AKAP1: variants seen among roughly 807,000 people sequenced by gnomAD.
AKAP1 encodes A-kinase anchor protein 1, mitochondrial.
AKAP1 carries 32 observed loss-of-function variants against 79.8 expected under a neutral mutation model. That is an observed-to-expected ratio of 0.40 (90% CI 0.30 to 0.54). The LOEUF is 0.54. Among genes scored for constraint, AKAP1 ranks in the 20% least tolerant of loss-of-function variants. AKAP1 has a pLI of 0.47. For synonymous variants in AKAP1, 416 were observed against 466.7 expected (o/e 0.89, Z 1.40); for missense variants, 961 against 1,138.9 (o/e 0.84, Z 2.25).
intron 1 of AKAP1, chr17:57,095,146 G>C (rs1052668732): frequency 2.6e-5 from 4 of 152,094 alleles, no homozygotes; most frequent in Non-Finnish European, 5.9e-5. Flanking sequence ...GGCAGTAACA[G>C]GCCCACTGGA....
chr17:57,118,263 C>A, intron 8 of AKAP1, 118 bp from the exon 9 acceptor site: 1 of 922,684 alleles, frequency 1.1e-6, no homozygotes. Context: ...CAGTGCAGTT[C>A]TCAAGTTCCA....
At chr17:57,119,135 T>A in intron 10 of AKAP1, 91 bp downstream of exon 10, 2 of 1,359,892 alleles carry the variant, frequency 1.5e-6, no homozygotes, top group Non-Finnish European at 2.1e-6. Flanking sequence ...CCTCTTGAGT[T>A]AATCAGAGGA....
intron 8 of AKAP1, among the ~76,000 whole-genome samples, chr17:57,118,063 C>T (rs1212167589): frequency 6.6e-6 from 1 of 152,128 alleles, no homozygotes; most frequent in Non-Finnish European, 1.5e-5. Flanking sequence ...TCTGCACTGC[C>T]AGCATCCGAG....
chr17:57,115,990 C>T, intron 6 of AKAP1, 121 bp from the exon 7 acceptor site: 1 of 1,216,828 alleles, frequency 8.2e-7, no homozygotes, highest in Non-Finnish European at 1.1e-6. Flanking sequence ...GTTCCTGTCC[C>T]CTGCACTGTG....
At chr17:57,089,082 G>T (rs1201776194) in intron 1 of AKAP1, among the ~76,000 whole-genome samples, 2 of 152,168 alleles carry the variant, frequency 1.3e-5, no homozygotes, top group Admixed American at 1.3e-4. Flanking sequence ...GAAACCTGGC[G>T]GTGATTCTAG....
chr17:57,120,508 C>T lies in AKAP1; in HGVS notation c.*184C>T, dbSNP rs377420888. 15 of 501,080 alleles carry T rather than the reference C, an allele frequency of 3.0e-5. No homozygotes were observed. Among genetic ancestry groups the T allele is most frequent in the African/African-American group, 2.6e-4 (13 of 50,718 alleles). 31.0% of individuals were successfully genotyped at this position (501,080 alleles called of 1,614,324 possible). A position where few individuals can be genotyped will look rare whatever the true frequency, so the allele number is the denominator to read the frequency against. ...AAAAAAGGATGGAACTATGGGTTCT[C>T]TTCGCAAAGCCAAAGGATAGTGTTT... On this transcript the variant is annotated 3_prime_UTR_variant, in exon 11 of 11. Coordinates refer to ENST00000337714, the MANE Select transcript of AKAP1 (RefSeq NM_003488.4).
intron 1 of AKAP1, chr17:57,095,012 C>G (rs777533439): frequency 1.3e-5 from 2 of 152,174 alleles, no homozygotes; most frequent in African/African-American, 4.8e-5. Flanking sequence ...TCATTCCTAC[C>G]CCAAGATACT....
chr17:57,094,928 A>G (rs1329374909), intron 1 of AKAP1: 4 of 151,880 alleles, frequency 2.6e-5, no homozygotes, highest in African/African-American at 9.7e-5. Context: ...GTCTTGAATG[A>G]AAGTCTATAT....
rs2144606960 is a variant in AKAP1, at chr17:57,086,742, G to C, written c.-25+1344G>C. ...CGTTCACAAAAAGCTATTAATTCTG[G>C]CAACTAGTAGCCTTACAAGCTCTTG... On this transcript the variant is annotated intron_variant, in intron 1 of 10. Transcript: ENST00000337714. The surrounding 1 kb of genome is among the most constrained non-coding windows in gnomAD (Gnocchi z 5.1). Among the ~76,000 whole-genome samples, 1 of 151,986 alleles carries C rather than the reference G, an allele frequency of 6.6e-6. No individual in the cohort carries two copies. The highest frequency in any genetic ancestry group is 2.1e-4 in the South Asian group (1 of 4,790).
chr17:57,110,061 G>A lies in AKAP1; in HGVS notation c.1751G>A (p.Cys584Tyr). 1 of 1,614,144 alleles carries A rather than the reference G, an allele frequency of 6.2e-7. No homozygotes were observed. The highest frequency in any genetic ancestry group is 1.7e-5 in the Admixed American group (1 of 60,024). Residue 584 changes from cysteine (C) to tyrosine (Y), a missense_variant, in exon 3 of 11, where the codon TGT becomes TAT. Transcript: ENST00000337714. ...DRNSMDSVDSCCSLKKTESFQ... is the reference protein window; with the variant it reads ...DRNSMDSVDSYCSLKKTESFQ... ...AACAGCATGGATTCCGTGGATAGCT[G>A]TTGCAGTCTCAAGAAGACTGAGAGC...
Position 57,120,625 on chromosome 17 carries a change from C to T in AKAP1, c.*301C>T, listed in dbSNP as rs1481378446. 7 of 255,772 alleles carry T rather than the reference C, an allele frequency of 2.7e-5. No individual in the cohort carries two copies. Among genetic ancestry groups the T allele is most frequent in the African/African-American group, 4.5e-5 (2 of 44,792 alleles). The allele number at this position is 255,772 out of a possible 1,614,324, so 15.8% of individuals were successfully genotyped here. On this transcript the variant is annotated 3_prime_UTR_variant, in exon 11 of 11. Transcript: ENST00000337714. The stretch of plus-strand genomic sequence containing the variant: ...GTTTCAACCAGATTGTCCTATTCCC[C>T]CTGTTCCATTCCCCTCTTCTTCCTT...
At chr17:57,113,786 A>G (rs1183880455) in intron 5 of AKAP1, among the ~76,000 whole-genome samples, 1 of 151,758 alleles carries the variant, frequency 6.6e-6, no homozygotes, top group Non-Finnish European at 1.5e-5. Flanking sequence ...TGTTTTTAGT[A>G]GAGATGGGAT....
intron 9 of AKAP1, among the ~76,000 whole-genome samples, 198 bp from the exon 10 acceptor site, chr17:57,118,784 C>T (rs1487263675): frequency 1.3e-5 from 2 of 152,124 alleles, no homozygotes; most frequent in Non-Finnish European, 1.5e-5. Flanking sequence ...GAGGAACTGT[C>T]AGATACTTAT....
intron 6 of AKAP1, among the ~76,000 whole-genome samples, chr17:57,114,970 A>G (rs1477999267): frequency 1.3e-5 from 2 of 151,354 alleles, no homozygotes; most frequent in Non-Finnish European, 2.9e-5. Flanking sequence ...AAAGGGGGTG[A>G]TACCCACTTG....
rs766091137 is a variant in AKAP1 at position 57,112,631 on chromosome 17, C to T, written c.2103+13C>T. ...GATGACATCCTGGGTGAGCGTGCTA[C>T]TGGGTGATCCGGACTTCTTGCCACT... On this transcript the variant is annotated intron_variant, in intron 5 of 10. Transcript: ENST00000337714. The T allele has an allele frequency of 1.2e-5, 19 of 1,595,930 alleles. No homozygotes were observed. The highest frequency in any genetic ancestry group is 1.6e-5 in the Non-Finnish European group (19 of 1,171,760).
rs560317625 is a variant in AKAP1 at position 57,105,295 on chromosome 17, T to C, written c.-24-146T>C. The C allele has an allele frequency of 1.0e-4, 80 of 765,082 alleles. 1 individual carries two copies. The South Asian group carries it at 1.2e-3, about 12-fold the overall frequency. 47.4% of individuals were successfully genotyped at this position (765,082 alleles called of 1,614,324 possible). A position where few individuals can be genotyped will look rare whatever the true frequency, so the allele number is the denominator to read the frequency against. ...ACACAGAGGGTGGACTGGTACGAGC[T>C]GAGAGGTGTGCTCCTCTTGGAGGGC... On this transcript the variant is annotated intron_variant, in intron 1 of 10. Transcript: ENST00000337714.
rs1268999947 is a variant in AKAP1, at chr17:57,106,821, A to G, written c.1357A>G (p.Asn453Asp). Reference protein sequence around the residue: ...LSSPTKDSKPNISAHHISLAS... With the variant: ...LSSPTKDSKPDISAHHISLAS... ...CAGCCCCACCAAGGACAGTAAGCCA[A>G]ATATCTCTGCACACCACATCTCCCT... The change falls in exon 2 of 11, where the codon AAT becomes GAT. Residue 453 changes from asparagine to aspartate, a missense_variant. Asn to Asp is a conservative substitution (Grantham distance 23). This residue lies in a region of AKAP1 where 629 missense variants were observed against 781.1 expected (regional missense o/e 0.81). Transcript: ENST00000337714. 6.2e-7 allele frequency: 1 copy of G among 1,614,128 alleles called. No individual in the cohort carries two copies. The highest frequency in any genetic ancestry group is 1.7e-5 in the Admixed American group (1 of 60,020).
intron 2 of AKAP1, chr17:57,108,039 T>C (rs1915003984): frequency 8.1e-7 from 1 of 1,230,992 alleles, no homozygotes. Context: ...TTCAGACCGC[T>C]AACTTACAGG....
intron 6 of AKAP1, among the ~76,000 whole-genome samples, chr17:57,114,948 T>A (rs1165110390): frequency 6.6e-6 from 1 of 152,064 alleles, no homozygotes; most frequent in Non-Finnish European, 1.5e-5. Context: ...TGCCACCTAT[T>A]TATTATCTGT....
Sources: gnomAD v4.1 joint callset for allele counts (sites outside exome capture counted in the v4.1 genomes callset) on GRCh38, gnomAD v4.1.1 for gene constraint, gnomAD v4.1.1 regional missense constraint, Gnocchi (gnomAD v3.1) non-coding constraint, MANE v1.5 for transcripts, NCBI Gene and HGNC (gene_info 2026-07-23, HGNC 2026-07-21) for gene names.